The following SAMSN1 variants were observed in gnomAD, a reference collection of about 807,000 sequenced individuals.
SAMSN1 encodes SAM domain, SH3 domain and nuclear localization signals 1, also known as SAM domain-containing protein SAMSN-1.
In SAMSN1, 31 loss-of-function variants were observed where a neutral mutation model predicts 42.0. The observed-to-expected ratio is 0.74, with a 90% CI of 0.55 to 1.00. The LOEUF is 1.00. SAMSN1 is among the 50% of genes least tolerant of loss of function. SAMSN1 has a pLI of 0.00. For synonymous variants in SAMSN1, 178 were observed against 151.9 expected (o/e 1.17, Z -1.26); for missense variants, 464 against 439.4 (o/e 1.06, Z -0.50).
At chr21:14,503,416 A>G (rs1233985937) in intron 5 of SAMSN1, among the ~76,000 whole-genome samples, 1 of 152,162 alleles carries the variant, frequency 6.6e-6, no homozygotes, top group African/African-American at 2.4e-5. Flanking sequence ...TTCTGTCAAA[A>G]GCCAGTGAAC....
intron 1 of SAMSN1, among the ~76,000 whole-genome samples, chr21:14,536,245 A>T (rs992393443): frequency 6.6e-6 from 1 of 152,230 alleles, no homozygotes; most frequent in Admixed American, 6.5e-5. Flanking sequence ...AACAAAAAAA[A>T]ACACAGTTTT....
At chr21:14,605,904 C>T (rs903714978) in intron 5 of SAMSN1, among the ~76,000 whole-genome samples, 67 of 151,608 alleles carry the variant, frequency 4.4e-4, no homozygotes, top group African/African-American at 4.8e-4. Flanking sequence ...TGCAGTGGCG[C>T]GATCTGGGTT....
At chr21:14,503,706 G>T (rs547220657) in intron 5 of SAMSN1, among the ~76,000 whole-genome samples, 1 of 152,124 alleles carries the variant, frequency 6.6e-6, no homozygotes, top group South Asian at 2.1e-4. Context: ...CATGGCAGAC[G>T]GCAGGCAGGA....
chr21:14,602,421 A>G (rs998647963), intron 5 of SAMSN1, among the ~76,000 whole-genome samples: 1 of 152,124 alleles, frequency 6.6e-6, no homozygotes, highest in African/African-American at 2.4e-5. Context: ...TAACTTCAAC[A>G]TGCTATGACT....
intron 1 of SAMSN1, among the ~76,000 whole-genome samples, chr21:14,539,390 A>T (rs1276068248): frequency 6.6e-6 from 1 of 152,160 alleles, no homozygotes; most frequent in Non-Finnish European, 1.5e-5. Context: ...ATATCTAGAA[A>T]ACCCCATTAT....
chr21:14,520,232 C>T (rs1978366108), intron 2 of SAMSN1, among the ~76,000 whole-genome samples: 1 of 152,108 alleles, frequency 6.6e-6, no homozygotes, highest in Non-Finnish European at 1.5e-5. Context: ...GTAGCACTCA[C>T]CAATGGGATG....
In SAMSN1 at chr21:14,640,081, C is replaced by T. The variant is rs571237111; in HGVS notation, c.156+2921G>A. ...ACATATGAACTACACTGGATCATCT[C>T]CTTTGAGAATATTGATGATCTTATG... On this transcript the variant is annotated intron_variant, in intron 2 of 15. Coordinates refer to the SAMSN1 transcript ENST00000647101. 7.9e-5 allele frequency among the ~76,000 whole-genome samples: 12 copies of T among 152,222 alleles called. No individual in the cohort carries two copies. The South Asian group carries it at 2.3e-3, about 29-fold the overall frequency.
chr21:14,597,754 A>G (rs1026497990), intron 6 of SAMSN1, among the ~76,000 whole-genome samples: 6 of 152,134 alleles, frequency 3.9e-5, no homozygotes, highest in Admixed American at 3.3e-4. Context: ...TCCTCAGTGA[A>G]TCAGGCTCTA....
intron 3 of SAMSN1, chr21:14,615,863 CAAAAAA>C (rs34255188): frequency 4.8e-3 from 559 of 116,238 alleles, no homozygotes; most frequent in South Asian, 0.013. Context: ...ATGACAGCTG[CAAAAAA>C]AAAAAAAAAA....
chr21:14,649,091 T>TA (rs1052022949), intron 1 of SAMSN1, among the ~76,000 whole-genome samples: 15 of 151,806 alleles, frequency 9.9e-5, no homozygotes, highest in South Asian at 4.2e-4. Flanking sequence ...TATGCAGCCA[T>TA]AAAAAAGGAT....
At chr21:14,656,627 A>G (rs972143071) in intron 1 of SAMSN1, among the ~76,000 whole-genome samples, 2 of 151,830 alleles carry the variant, frequency 1.3e-5, no homozygotes, top group African/African-American at 2.4e-5. Context: ...TGCCTCCCTT[A>G]TGAAAGATAG....
intron 2 of SAMSN1, among the ~76,000 whole-genome samples, chr21:14,580,130 G>T (rs1981654326): frequency 7.0e-6 from 1 of 142,068 alleles, no homozygotes; most frequent in African/African-American, 2.5e-5. Flanking sequence ...GAGTCTAAGG[G>T]ATGATGGGAT....
intron 2 of SAMSN1, among the ~76,000 whole-genome samples, chr21:14,581,070 A>T (rs1480041416): frequency 6.6e-6 from 1 of 152,130 alleles, no homozygotes; most frequent in Non-Finnish European, 1.5e-5. Context: ...AACTTATCCA[A>T]GCCCAAAAAA....
intron 5 of SAMSN1, among the ~76,000 whole-genome samples, chr21:14,507,002 G>T (rs1333053038): frequency 6.6e-6 from 1 of 152,108 alleles, no homozygotes; most frequent in South Asian, 2.1e-4. Context: ...ATTTCTTCAT[G>T]ATTAAAACTC....
chr21:14,592,750 G>A (rs986119759), intron 7 of SAMSN1: 3 of 213,364 alleles, frequency 1.4e-5, no homozygotes, highest in Admixed American at 5.4e-5. Flanking sequence ...ATGTGGAAAC[G>A]GAAATGCAGA....
At chr21:14,642,987 C>T (rs1405814537) in intron 2 of SAMSN1, 1 of 716,104 alleles carries the variant, frequency 1.4e-6, no homozygotes, top group African/African-American at 1.7e-5. Context: ...CCACTCCAGT[C>T]AATGCTTCAC....
chr21:14,582,538 A>G, intron 1 of SAMSN1: 3 of 672,110 alleles, frequency 4.5e-6, no homozygotes, highest in Non-Finnish European at 7.6e-6. Flanking sequence ...TTCTTCACAT[A>G]TAGGAATTAT....
intron 1 of SAMSN1, among the ~76,000 whole-genome samples, chr21:14,658,263 T>C (rs1983947052): frequency 6.6e-6 from 1 of 151,872 alleles, no homozygotes. Context: ...ATTAATCTAT[T>C]GTACCTTGCA....
At chr21:14,636,766 TG>T (rs1331037613) in intron 2 of SAMSN1, among the ~76,000 whole-genome samples, 1 of 150,870 alleles carries the variant, frequency 6.6e-6, no homozygotes, top group Non-Finnish European at 1.5e-5. Flanking sequence ...GTGGCGGGGT[TG>T]GGGGTGGAAT....
Sources: gnomAD v4.1 joint callset for allele counts (sites outside exome capture counted in the v4.1 genomes callset) on GRCh38, gnomAD v4.1.1 for gene constraint, MANE v1.5 for transcripts, NCBI Gene and HGNC (gene_info 2026-07-23, HGNC 2026-07-21) for gene names.